PLXDC2: variants seen among roughly 807,000 people sequenced by gnomAD.
The protein encoded by PLXDC2 is plexin domain-containing protein 2.
A neutral mutation model predicts 68.9 loss-of-function variants in PLXDC2; 40 were observed. The observed-to-expected ratio is 0.58, with a 90% CI of 0.45 to 0.76. The LOEUF is 0.76. Among genes scored for constraint, PLXDC2 ranks in the 30% least tolerant of loss-of-function variants. The pLI is 0.00. For synonymous variants in PLXDC2, 243 were observed against 234.2 expected (o/e 1.04, Z -0.34); for missense variants, 644 against 661.9 (o/e 0.97, Z 0.30).
chr10:19,954,580 C>T (rs1468236208), intron 1 of PLXDC2, among the ~76,000 whole-genome samples: 1 of 152,188 alleles, frequency 6.6e-6, no homozygotes, highest in Admixed American at 6.5e-5. Context: ...AATACCACTT[C>T]ATTTACATGT....
chr10:19,826,197 G>T (rs76527947), intron 1 of PLXDC2, among the ~76,000 whole-genome samples: 1 of 152,080 alleles, frequency 6.6e-6, no homozygotes, highest in African/African-American at 2.4e-5. Flanking sequence ...TTGCCAGTCC[G>T]TAGTTTTATG....
chr10:19,911,908 G>A (rs1833278011), intron 1 of PLXDC2, among the ~76,000 whole-genome samples: 1 of 152,128 alleles, frequency 6.6e-6, no homozygotes, highest in African/African-American at 2.4e-5. Context: ...TATGTTCTAT[G>A]TAAGCAAATT....
Position 20,046,916 on chromosome 10 carries a change from T to C in PLXDC2, c.372T>C (p.Ser124=). Reference sequence around the variant, plus strand: ...ATATATCTCGAATATATGGTCCATCTGATTCTGCCAGCCGGGATTTATGGG... The same window carrying C: ...ATATATCTCGAATATATGGTCCATCCGATTCTGCCAGCCGGGATTTATGGG... ...NYYISRIYGP[S]DSASRDLWVN... The change falls in exon 3 of 14, where the codon TCT becomes TCC. Residue 124 remains serine (S), a synonymous_variant. Transcript: ENST00000377252. The C allele has an allele frequency of 4.3e-6, 7 of 1,612,836 alleles. No homozygotes were observed. The highest frequency in any genetic ancestry group is 5.1e-6 in the Non-Finnish European group (6 of 1,179,262).
At chr10:20,264,940 G>A (rs989653430) in intron 13 of PLXDC2, among the ~76,000 whole-genome samples, 2 of 151,908 alleles carry the variant, frequency 1.3e-5, no homozygotes, top group South Asian at 2.1e-4. Context: ...AAAACAACGA[G>A]CATTAAGACT....
rs78740378 is a variant in PLXDC2, at chr10:20,143,340, C to T, written c.587C>T (p.Thr196Ile). The T allele has an allele frequency of 6.2e-7, 1 of 1,613,012 alleles. No individual in the cohort carries two copies. The highest frequency in any genetic ancestry group is 1.3e-5 in the African/African-American group (1 of 74,888). ...GEVVHRMLTA[T>I]QYIAPLMANF... ...GTCGTACATCGAATGCTAACAGCCACACAGTACATAGCACCTTTAATGGCA... is the reference window on the plus strand; with the variant it reads ...GTCGTACATCGAATGCTAACAGCCATACAGTACATAGCACCTTTAATGGCA... The change falls in exon 5 of 14, where the codon ACA becomes ATA. Residue 196 changes from threonine (T) to isoleucine (I), a missense_variant. Around this residue, in one of 3 missense-constraint regions of PLXDC2, gnomAD observed 113 missense variants for 167.1 expected, o/e 0.68. Transcript: ENST00000377252.
chr10:19,915,812 T>G (rs1006915941), intron 1 of PLXDC2, among the ~76,000 whole-genome samples: 3 of 151,796 alleles, frequency 2.0e-5, no homozygotes, highest in African/African-American at 7.3e-5. Context: ...CTTCTGGAAC[T>G]GGAAGTCCTC....
At chr10:20,206,434 G>T (rs1412566213) in intron 9 of PLXDC2, among the ~76,000 whole-genome samples, 1 of 152,082 alleles carries the variant, frequency 6.6e-6, no homozygotes, top group Non-Finnish European at 1.5e-5. Context: ...AGGAGATTGG[G>T]GTTGATTTGG....
At chr10:20,161,590 C>A (rs1269490094) in intron 6 of PLXDC2, among the ~76,000 whole-genome samples, 3 of 151,296 alleles carry the variant, frequency 2.0e-5, no homozygotes, top group African/African-American at 7.3e-5. Flanking sequence ...AATCAACCCA[C>A]CACCAATAAA....
intron 7 of PLXDC2, among the ~76,000 whole-genome samples, chr10:20,169,672 C>T (rs1425914404): frequency 6.6e-6 from 1 of 152,166 alleles, no homozygotes; most frequent in Non-Finnish European, 1.5e-5. Flanking sequence ...GCTTAATGAG[C>T]TTAATCCTTC....
At position 20,230,013 on chromosome 10, in the gene PLXDC2, A is replaced by G. The variant is rs915440192; in HGVS notation, c.1312+10911A>G. ...GAAATATTTGTTTAACCTGAAAAAG[A>G]CAAGAAAGAAGGAACAAAGGACCAT... On this transcript the variant is annotated intron_variant, in intron 12 of 13. Transcript: ENST00000377252. 6.6e-5 allele frequency among the ~76,000 whole-genome samples: 10 copies of G among 152,334 alleles called. No individual in the cohort carries two copies. The East Asian group carries it at 1.7e-3, about 26-fold the overall frequency.
At chr10:19,873,416 T>G (rs994402597) in intron 1 of PLXDC2, among the ~76,000 whole-genome samples, 2 of 149,294 alleles carry the variant, frequency 1.3e-5, no homozygotes, top group Non-Finnish European at 3.0e-5. Context: ...CTTTTTTTTT[T>G]TTTTTTTTTT....
At chr10:20,143,701 T>A (rs975755518) in intron 5 of PLXDC2, among the ~76,000 whole-genome samples, 13 of 152,066 alleles carry the variant, frequency 8.5e-5, no homozygotes, top group Non-Finnish European at 1.6e-4. Flanking sequence ...TTTCAATAAG[T>A]CAGTTTTCCA....
intron 1 of PLXDC2, among the ~76,000 whole-genome samples, chr10:19,837,400 G>C (rs1836816438): frequency 2.2e-5 from 1 of 45,756 alleles, no homozygotes; most frequent in South Asian, 1.3e-3. Context: ...GAGAGAGAGA[G>C]AGAGAGAGAG....
At chr10:19,886,508 G>A (rs1458472283) in intron 1 of PLXDC2, among the ~76,000 whole-genome samples, 5 of 152,088 alleles carry the variant, frequency 3.3e-5, no homozygotes, top group African/African-American at 4.8e-5. Context: ...CATATAAACA[G>A]AACCAAAGAC....
chr10:19,902,434 T>C (rs112302393), intron 1 of PLXDC2, among the ~76,000 whole-genome samples: 8,893 of 152,226 alleles, frequency 0.058, 323 homozygotes, highest in Non-Finnish European at 0.074. Flanking sequence ...TTTTATTTTA[T>C]TGCAGCTATT....
In PLXDC2 at chr10:20,162,147, A is replaced by AAAGG. The variant is rs201357088; in HGVS notation, c.784-2305_784-2302dup. On this transcript the variant is annotated intron_variant, in intron 6 of 13. Transcript: ENST00000377252. ...AGGAAGGAAAGAAAGAAGGAAAGAAAAAGGAAGGAAGGAAGGAAGAGAAAA... is the reference window on the plus strand; with the variant it reads ...AGGAAGGAAAGAAAGAAGGAAAGAAAAAGGAAGGAAGGAAGGAAGGAAGAGAAAA... Among the ~76,000 whole-genome samples the AAAGG allele has an allele frequency of 3.0e-4, 46 of 150,830 alleles. 1 individual carries two copies. In the South Asian group the frequency reaches 6.4e-3, roughly 21 times the overall value.
chr10:19,876,380 A>G (rs773331350), intron 1 of PLXDC2, among the ~76,000 whole-genome samples: 1 of 152,164 alleles, frequency 6.6e-6, no homozygotes, highest in Non-Finnish European at 1.5e-5. Flanking sequence ...AACCCACATT[A>G]TGCTGCATGT....
chr10:20,177,520 C>G (rs1173836361), intron 9 of PLXDC2, 111 bp downstream of exon 9: 1 of 434,586 alleles, frequency 2.3e-6, no homozygotes, highest in Non-Finnish European at 3.4e-6. Flanking sequence ...GTAATCCCAG[C>G]ACTTTGAGAG....
At chr10:20,023,095 T>C (rs1304404210) in intron 2 of PLXDC2, among the ~76,000 whole-genome samples, 1 of 146,938 alleles carries the variant, frequency 6.8e-6, no homozygotes, top group Non-Finnish European at 1.5e-5. Flanking sequence ...TATGTATATA[T>C]ATAATATTTT....
Sources: gnomAD v4.1 joint callset for allele counts (sites outside exome capture counted in the v4.1 genomes callset) on GRCh38, gnomAD v4.1.1 for gene constraint, gnomAD v4.1.1 regional missense constraint, MANE v1.5 for transcripts, NCBI Gene and HGNC (gene_info 2026-07-23, HGNC 2026-07-21) for gene names.